FGF14: variants seen among roughly 807,000 people sequenced by gnomAD.
FGF14 encodes the protein fibroblast growth factor homologous factor 4.
In FGF14, 5 loss-of-function variants were observed where a neutral mutation model predicts 25.5. That is an observed-to-expected ratio of 0.20 (90% CI 0.10 to 0.41). The LOEUF (loss-of-function observed/expected upper bound fraction) is 0.41. Ranked by LOEUF, FGF14 falls within the 10% of genes least tolerant of loss-of-function variation. FGF14 has a pLI of 1.00. For missense variants in FGF14, 222 were observed against 320.1 expected (o/e 0.69, Z 2.34); for synonymous variants, 138 against 118.3 (o/e 1.17, Z -1.08).
intron 1 of FGF14, among the ~76,000 whole-genome samples, chr13:102,389,277 A>G (rs2058378013): frequency 6.6e-6 from 1 of 152,186 alleles, no homozygotes; most frequent in East Asian, 1.9e-4. Flanking sequence ...AACATATCAC[A>G]TATTAGTTAC....
intron 1 of FGF14, chr13:102,394,299 C>T (rs1193480615): frequency 6.6e-6 from 1 of 152,406 alleles, no homozygotes; most frequent in Non-Finnish European, 1.5e-5. Flanking sequence ...CTTTCCCATC[C>T]CTCAGGTCCA....
At chr13:102,106,620 GAA>G (rs2044932451) in intron 1 of FGF14, among the ~76,000 whole-genome samples, 1 of 151,192 alleles carries the variant, frequency 6.6e-6, no homozygotes, top group Admixed American at 6.6e-5. Context: ...GAAAAAGAAA[GAA>G]AGAGAGAGAG....
At chr13:102,162,669 T>C (rs1415916969) in intron 1 of FGF14, among the ~76,000 whole-genome samples, 1 of 152,188 alleles carries the variant, frequency 6.6e-6, no homozygotes, top group African/African-American at 2.4e-5. Flanking sequence ...GACTTCATTA[T>C]GTGTTGAGAG....
intron 3 of FGF14, among the ~76,000 whole-genome samples, chr13:101,864,018 A>C (rs1224438621): frequency 2.6e-5 from 4 of 152,150 alleles, no homozygotes; most frequent in Non-Finnish European, 5.9e-5. Context: ...GAAAGATATG[A>C]TATCAGAACA....
intron 1 of FGF14, among the ~76,000 whole-genome samples, chr13:101,959,940 G>A (rs2036742453): frequency 6.6e-6 from 1 of 152,178 alleles, no homozygotes; most frequent in African/African-American, 2.4e-5. Context: ...CTCAGTTAAA[G>A]TTGAAAACTT....
chr13:101,802,035 C>A (rs1213945083), intron 3 of FGF14: 4 of 409,234 alleles, frequency 9.8e-6, no homozygotes, highest in South Asian at 2.0e-5. Context: ...AAGACAGTGT[C>A]TAGGAAAGAT....
At chr13:101,918,605 T>TG (rs1254876333), upstream of FGF14, among the ~76,000 whole-genome samples, 4 of 152,194 alleles carry the variant, frequency 2.6e-5, no homozygotes, top group African/African-American at 9.6e-5. Context: ...ACCAGGCAAC[T>TG]GGGGGGAAGT....
intron 3 of FGF14, among the ~76,000 whole-genome samples, chr13:101,753,300 C>G (rs1379941784): frequency 2.2e-4 from 2 of 9,064 alleles, no homozygotes; most frequent in South Asian, 4.7e-3. Context: ...CACAGACAGA[C>G]ACACACACAC....
chr13:102,188,869 A>C (rs1217856800), intron 1 of FGF14, among the ~76,000 whole-genome samples: 1 of 151,692 alleles, frequency 6.6e-6, no homozygotes, highest in Non-Finnish European at 1.5e-5. Flanking sequence ...TGAACCTGGG[A>C]GGCAGAGGTT....
chr13:101,949,714 C>T (rs1426550352), intron 1 of FGF14, among the ~76,000 whole-genome samples: 1 of 152,140 alleles, frequency 6.6e-6, no homozygotes, highest in Non-Finnish European at 1.5e-5. Flanking sequence ...TTTCAAATTG[C>T]TTGCTGTGGG....
chr13:102,060,175 A>C (rs1185398022), intron 1 of FGF14, among the ~76,000 whole-genome samples: 1 of 151,722 alleles, frequency 6.6e-6, no homozygotes, highest in African/African-American at 2.4e-5. Context: ...AAAAAATCCC[A>C]AATCCTAAAC....
chr13:102,156,752 C>G (rs1404596920), intron 1 of FGF14, among the ~76,000 whole-genome samples: 4 of 152,200 alleles, frequency 2.6e-5, no homozygotes, highest in East Asian at 1.9e-4. Context: ...GATTGTATAT[C>G]TAGAAAACCC....
At chr13:101,903,353 C>T (rs1225310175) in intron 1 of FGF14, among the ~76,000 whole-genome samples, 1 of 151,966 alleles carries the variant, frequency 6.6e-6, no homozygotes, top group African/African-American at 2.4e-5. Flanking sequence ...TGGGTTTTAA[C>T]TTTGCACCTA....
intron 1 of FGF14, among the ~76,000 whole-genome samples, chr13:102,111,166 C>T (rs76148017): frequency 0.036 from 5,516 of 152,228 alleles, 328 homozygotes; most frequent in East Asian, 0.18. Flanking sequence ...TTCCTCCACA[C>T]CCCTCAGCCA....
chr13:102,259,097 G>A (rs1351319509), intron 1 of FGF14, among the ~76,000 whole-genome samples: 2 of 152,164 alleles, frequency 1.3e-5, no homozygotes, highest in Non-Finnish European at 2.9e-5. Flanking sequence ...CAAAGAGGCT[G>A]TCCTGAAATG....
chr13:102,052,855 T>G (rs943883905), intron 1 of FGF14, among the ~76,000 whole-genome samples: 8 of 152,020 alleles, frequency 5.3e-5, no homozygotes, highest in African/African-American at 1.9e-4. Flanking sequence ...AACTCATAAA[T>G]AAAAGTAAGC....
At chr13:101,960,901 G>A (rs2036812131) in intron 1 of FGF14, among the ~76,000 whole-genome samples, 1 of 152,078 alleles carries the variant, frequency 6.6e-6, no homozygotes, top group African/African-American at 2.4e-5. Context: ...GGAGTGAGAT[G>A]GTATCTCATT....
At chr13:101,798,878 CA>C (rs2040711608) in intron 3 of FGF14, among the ~76,000 whole-genome samples, 1 of 152,138 alleles carries the variant, frequency 6.6e-6, no homozygotes, top group South Asian at 2.1e-4. Context: ...TCAGCTTCAT[CA>C]ACGACCTTGG....
intron 3 of FGF14, among the ~76,000 whole-genome samples, chr13:101,741,348 T>C (rs1301150259): frequency 6.6e-6 from 1 of 152,046 alleles, no homozygotes. Flanking sequence ...AATCAATCAA[T>C]CTGCAAAAGG....
Sources: gnomAD v4.1 joint callset for allele counts (sites outside exome capture counted in the v4.1 genomes callset) on GRCh38, gnomAD v4.1.1 for gene constraint, MANE v1.5 for transcripts, NCBI Gene and HGNC (gene_info 2026-07-23, HGNC 2026-07-21) for gene names.